Variants in SUGCT observed in about 807,000 individuals in gnomAD.
SUGCT encodes the protein succinyl-CoA:glutarate-CoA transferase, also known as succinyl-CoA:glutarate CoA-transferase.
Under a neutral mutation model 55.0 loss-of-function variants are expected in SUGCT, and 41 were observed. The observed-to-expected ratio is 0.74, with a 90% CI of 0.58 to 0.97. SUGCT has a LOEUF of 0.97. Ranked by LOEUF, SUGCT falls within the 50% of genes least tolerant of loss-of-function variation. The probability of loss-of-function intolerance (pLI) is 0.00; values close to 1 mark genes in which losing one functional copy is unlikely to be tolerated. For synonymous variants in SUGCT, 187 were observed against 200.4 expected (o/e 0.93, Z 0.56); for missense variants, 568 against 547.8 (o/e 1.04, Z -0.37).
intron 13 of SUGCT, among the ~76,000 whole-genome samples, chr7:40,828,591 A>AC (rs1484307845): frequency 2.0e-5 from 3 of 151,918 alleles, no homozygotes; most frequent in African/African-American, 7.3e-5. Context: ...AAAAAAAAAA[A>AC]AAACTCAAGA....
At chr7:40,776,351 T>G (rs1190279689) in intron 13 of SUGCT, among the ~76,000 whole-genome samples, 1 of 152,206 alleles carries the variant, frequency 6.6e-6, no homozygotes, top group Non-Finnish European at 1.5e-5. Context: ...TTTTGAGTTT[T>G]GTGGGGTTTT....
intron 12 of SUGCT, among the ~76,000 whole-genome samples, chr7:40,584,508 AG>A (rs1401950295): frequency 6.6e-6 from 1 of 152,212 alleles, no homozygotes; most frequent in Non-Finnish European, 1.5e-5. Context: ...GCAGTGTTTT[AG>A]GGGAAAAGAC....
chr7:40,226,420 A>G (rs899264924), intron 6 of SUGCT, among the ~76,000 whole-genome samples: 5 of 152,128 alleles, frequency 3.3e-5, no homozygotes, highest in Admixed American at 3.3e-4. Context: ...AAAACTTTGG[A>G]CCATTTGCTG....
chr7:40,865,598 C>T (rs2128812046), downstream of SUGCT, among the ~76,000 whole-genome samples: 1 of 152,192 alleles, frequency 6.6e-6, no homozygotes, highest in East Asian at 1.9e-4. Context: ...TTGTTCTGGC[C>T]CCAGACGCTG....
intron 12 of SUGCT, among the ~76,000 whole-genome samples, chr7:40,542,792 G>C (rs1381785186): frequency 6.6e-6 from 1 of 152,200 alleles, no homozygotes; most frequent in Non-Finnish European, 1.5e-5. Flanking sequence ...TGAGGCTCAA[G>C]CTTTAGGGAA....
intron 12 of SUGCT, among the ~76,000 whole-genome samples, chr7:40,699,116 A>C (rs1365374187): frequency 6.6e-6 from 1 of 152,166 alleles, no homozygotes; most frequent in Non-Finnish European, 1.5e-5. Context: ...TCGATTTCAT[A>C]TGAGATTAAT....
At chr7:40,156,256 G>T (rs1268317538) in intron 1 of SUGCT, among the ~76,000 whole-genome samples, 1 of 152,104 alleles carries the variant, frequency 6.6e-6, no homozygotes, top group Non-Finnish European at 1.5e-5. Context: ...GAGGTCAGGA[G>T]ATCGAGAGCA....
At chr7:40,671,059 T>A (rs1350560953) in intron 12 of SUGCT, among the ~76,000 whole-genome samples, 1 of 152,146 alleles carries the variant, frequency 6.6e-6, no homozygotes, top group African/African-American at 2.4e-5. Context: ...CTAAATTGGG[T>A]TTATTCCAGG....
chr7:40,855,277 A>AAAAAG (rs966381745), intron 13 of SUGCT, among the ~76,000 whole-genome samples: 7 of 151,478 alleles, frequency 4.6e-5, no homozygotes, highest in East Asian at 1.9e-4. Context: ...CTCAAAAAAA[A>AAAAAG]AAAAGAAAAG....
chr7:40,677,468 AC>A (rs2151880915), intron 12 of SUGCT, among the ~76,000 whole-genome samples: 1 of 152,214 alleles, frequency 6.6e-6, no homozygotes, highest in East Asian at 1.9e-4. Flanking sequence ...TCAGCTTTTC[AC>A]CCTCATGCAT....
chr7:40,709,694 G>C (rs999435830), intron 12 of SUGCT, among the ~76,000 whole-genome samples: 2 of 152,222 alleles, frequency 1.3e-5, no homozygotes, highest in Non-Finnish European at 2.9e-5. Context: ...TGGTCAGGAA[G>C]ATCTGAATGG....
At chr7:40,932,441 C>T in the SUGCT span, among the ~76,000 whole-genome samples, 45 of 152,054 alleles carry the variant, frequency 3.0e-4, no homozygotes, top group African/African-American at 8.9e-4. Flanking sequence ...CTATTAGGTC[C>T]GCTTGGTGCA....
At chr7:40,599,204 A>G (rs1798170005) in intron 12 of SUGCT, among the ~76,000 whole-genome samples, 1 of 152,156 alleles carries the variant, frequency 6.6e-6, no homozygotes, top group South Asian at 2.1e-4. Context: ...TTGCTACCCA[A>G]TATTATCCTT....
At chr7:40,967,250 G>A in the SUGCT span, 2 of 152,214 alleles carry the variant, frequency 1.3e-5, no homozygotes, top group African/African-American at 2.4e-5. Context: ...TATGCAAAAG[G>A]TGCTGCCAGG....
At chr7:40,369,234 A>G (rs1351243292) in intron 9 of SUGCT, among the ~76,000 whole-genome samples, 1 of 152,174 alleles carries the variant, frequency 6.6e-6, no homozygotes, top group Non-Finnish European at 1.5e-5. Context: ...ACTTCAACAC[A>G]TTTAGCAAAA....
intron 12 of SUGCT, among the ~76,000 whole-genome samples, chr7:40,712,150 G>A (rs544898466): frequency 1.3e-5 from 2 of 152,174 alleles, no homozygotes; most frequent in African/African-American, 4.8e-5. Context: ...GTAAATAGGG[G>A]TTATGAATGA....
chr7:40,665,456 T>G (rs971446580), intron 12 of SUGCT, among the ~76,000 whole-genome samples: 3 of 149,064 alleles, frequency 2.0e-5, no homozygotes, highest in African/African-American at 7.4e-5. Context: ...AATAAATAAA[T>G]AAATAAATAA....
chr7:40,382,839 A>G (rs943316357), intron 9 of SUGCT, among the ~76,000 whole-genome samples: 2 of 152,210 alleles, frequency 1.3e-5, no homozygotes, highest in African/African-American at 4.8e-5. Context: ...ACTCATATCC[A>G]TTATCTTTGG....
At chr7:40,329,735 A>G (rs894277493) in intron 9 of SUGCT, among the ~76,000 whole-genome samples, 1 of 152,170 alleles carries the variant, frequency 6.6e-6, no homozygotes, top group African/African-American at 2.4e-5. Context: ...TGTCATTCTA[A>G]TATGAGTCCA....
Sources: gnomAD v4.1 joint callset for allele counts (sites outside exome capture counted in the v4.1 genomes callset) on GRCh38, gnomAD v4.1.1 for gene constraint, MANE v1.5 for transcripts, NCBI Gene and HGNC (gene_info 2026-07-23, HGNC 2026-07-21) for gene names.